The following SIPA1L1 variants were observed in gnomAD, a reference collection of about 807,000 sequenced individuals.
The protein encoded by SIPA1L1 is signal-induced proliferation-associated 1-like protein 1.
A neutral mutation model predicts 162.7 loss-of-function variants in SIPA1L1; 26 were observed. The ratio of observed to expected loss-of-function variants is 0.16; its 90% confidence interval spans 0.12 to 0.22. SIPA1L1 has a LOEUF of 0.22. Ranked by LOEUF, SIPA1L1 falls within the 10% of genes least tolerant of loss-of-function variation. The probability of loss-of-function intolerance (pLI) is 1.00; values close to 1 mark genes in which losing one functional copy is unlikely to be tolerated. For missense variants in SIPA1L1, 1,874 were observed against 2,241.0 expected (o/e 0.84, Z 3.31); for synonymous variants, 829 against 837.4 (o/e 0.99, Z 0.17).
In SIPA1L1 at chr14:71,685,569, T is replaced by C. The variant is rs201222253; in HGVS notation, c.3312T>C (p.Pro1104=). ...GAAAAGGAGATGGGAAGATGCCTCC[T>C]CCAGAAAGAGCCGCCAACATCCCTC... The part of the protein sequence containing the change: ...NAGKGDGKMP[P]PERAANIPRS... Residue 1104 remains proline (P), a synonymous_variant, in exon 13 of 24, where the codon CCT becomes CCC. Transcript: ENST00000381232. The C allele has an allele frequency of 1.1e-4, 174 of 1,614,062 alleles. No homozygotes were observed. The Middle Eastern group carries it at 1.3e-3, about 12-fold the overall frequency.
At chr14:71,325,331 ATTC>A (rs2033668678) in intron 2 of SIPA1L1, among the ~76,000 whole-genome samples, 1 of 152,224 alleles carries the variant, frequency 6.6e-6, no homozygotes, top group Non-Finnish European at 1.5e-5. Context: ...TAAGTTAATT[ATTC>A]TTAAATGATA....
intron 2 of SIPA1L1, among the ~76,000 whole-genome samples, chr14:71,348,348 A>G (rs2036372814): frequency 6.6e-6 from 1 of 152,252 alleles, no homozygotes; most frequent in Non-Finnish European, 1.5e-5. Context: ...TGAAATTTGT[A>G]GAAATGGGAT....
intron 2 of SIPA1L1, among the ~76,000 whole-genome samples, chr14:71,357,183 C>T (rs1025208188): frequency 6.6e-6 from 1 of 152,030 alleles, no homozygotes; most frequent in African/African-American, 2.4e-5. Context: ...CTTCAGCCTC[C>T]CGAGTAGCTG....
At chr14:71,384,337 T>A (rs1348263964) in intron 2 of SIPA1L1, among the ~76,000 whole-genome samples, 1 of 152,090 alleles carries the variant, frequency 6.6e-6, no homozygotes, top group Non-Finnish European at 1.5e-5. Flanking sequence ...AGGAGGGAGA[T>A]TATTCTGGGT....
chr14:71,352,655 G>A (rs1199951323), intron 2 of SIPA1L1, among the ~76,000 whole-genome samples: 4 of 152,126 alleles, frequency 2.6e-5, no homozygotes, highest in Admixed American at 6.5e-5. Context: ...TAGCTAATGA[G>A]TAGCCCTGCA....
chr14:71,375,977 A>G (rs1332813047), intron 2 of SIPA1L1, among the ~76,000 whole-genome samples: 1 of 152,120 alleles, frequency 6.6e-6, no homozygotes, highest in Non-Finnish European at 1.5e-5. Context: ...AAATTTTGTT[A>G]AAGATTTTTG....
At chr14:71,690,916 A>G (rs2081208201) in intron 13 of SIPA1L1, among the ~76,000 whole-genome samples, 2 of 152,174 alleles carry the variant, frequency 1.3e-5, no homozygotes, top group Non-Finnish European at 2.9e-5. Flanking sequence ...AAAGTGTCTC[A>G]CATTCACAAG....
At chr14:71,408,519 C>T (rs993719037) in intron 2 of SIPA1L1, among the ~76,000 whole-genome samples, 2 of 152,152 alleles carry the variant, frequency 1.3e-5, no homozygotes, top group African/African-American at 4.8e-5. Flanking sequence ...CTGAATTGGG[C>T]CTGACTTGGT....
chr14:71,727,825 G>C (rs2084381420), intron 19 of SIPA1L1, among the ~76,000 whole-genome samples: 1 of 152,208 alleles, frequency 6.6e-6, no homozygotes, highest in Admixed American at 6.5e-5. Flanking sequence ...GATGGGGCAA[G>C]GGGCCATCTC....
At chr14:71,543,742 T>A (rs1380362447) in intron 4 of SIPA1L1, among the ~76,000 whole-genome samples, 1 of 150,894 alleles carries the variant, frequency 6.6e-6, no homozygotes, top group Non-Finnish European at 1.5e-5. Flanking sequence ...GTCTTGACTG[T>A]TTTTCTAAAT....
intron 4 of SIPA1L1, among the ~76,000 whole-genome samples, chr14:71,543,873 GTGTATATATACATATATCATACGTA>G (rs1412178776): frequency 2.8e-5 from 4 of 145,024 alleles, no homozygotes; most frequent in Admixed American, 6.9e-5. Context: ...TCATACGTAT[GTGTATATATACATATATCATACGTA>G]TATGTGTGTA....
chr14:71,574,492 A>T (rs984674559), intron 4 of SIPA1L1: 2 of 152,258 alleles, frequency 1.3e-5, no homozygotes, highest in Non-Finnish European at 2.9e-5. Flanking sequence ...GGAAATTCTG[A>T]CATTGCAAAA....
At chr14:71,599,138 G>A (rs1403193093) in intron 5 of SIPA1L1, among the ~76,000 whole-genome samples, 1 of 134,712 alleles carries the variant, frequency 7.4e-6, no homozygotes, top group Non-Finnish European at 1.6e-5. Flanking sequence ...CAAATGACAT[G>A]ATTTCATTCT....
chr14:71,434,680 G>T (rs545370219), intron 2 of SIPA1L1, among the ~76,000 whole-genome samples: 1 of 152,146 alleles, frequency 6.6e-6, no homozygotes. Context: ...CTGGGCTCAA[G>T]CGATCCTCCC....
At chr14:71,439,320 C>G (rs73302903) in intron 2 of SIPA1L1, among the ~76,000 whole-genome samples, 1 of 152,304 alleles carries the variant, frequency 6.6e-6, no homozygotes, top group African/African-American at 2.4e-5. Flanking sequence ...CCACTCCTCT[C>G]CCTCTTCTTC....
At chr14:71,373,385 G>A (rs933031837) in intron 2 of SIPA1L1, among the ~76,000 whole-genome samples, 1 of 151,888 alleles carries the variant, frequency 6.6e-6, no homozygotes, top group Non-Finnish European at 1.5e-5. Flanking sequence ...GACTTTGGGA[G>A]GCCGAGGTGG....
At chr14:71,454,096 A>G (rs1055185727) in intron 2 of SIPA1L1, among the ~76,000 whole-genome samples, 9 of 151,870 alleles carry the variant, frequency 5.9e-5, no homozygotes, top group African/African-American at 9.7e-5. Context: ...ATGGAGACTG[A>G]ACAAACCCTG....
intron 4 of SIPA1L1, among the ~76,000 whole-genome samples, chr14:71,547,403 G>T (rs969906929): frequency 6.9e-6 from 1 of 145,044 alleles, no homozygotes; most frequent in Admixed American, 7.3e-5. Flanking sequence ...AAGTGATTCC[G>T]CTGCCTCAGC....
At chr14:71,362,216 A>G (rs1336003582) in intron 2 of SIPA1L1, among the ~76,000 whole-genome samples, 2 of 152,240 alleles carry the variant, frequency 1.3e-5, no homozygotes, top group Non-Finnish European at 2.9e-5. Flanking sequence ...AATCAGAGAT[A>G]GTTTTAATGC....
Sources: gnomAD v4.1 joint callset for allele counts (sites outside exome capture counted in the v4.1 genomes callset) on GRCh38, gnomAD v4.1.1 for gene constraint, MANE v1.5 for transcripts, NCBI Gene and HGNC (gene_info 2026-07-23, HGNC 2026-07-21) for gene names.